Variants in WFDC9 observed in about 807,000 individuals in gnomAD.
The protein encoded by WFDC9 is protein WFDC9.
Under a neutral mutation model 9.5 loss-of-function variants are expected in WFDC9, and 9 were observed. That is an observed-to-expected ratio of 0.95 (90% CI 0.57 to 1.65). WFDC9 has a LOEUF of 1.65. Ranked by LOEUF, WFDC9 falls within the 40% of genes most tolerant of loss-of-function variation. The probability of loss-of-function intolerance (pLI) is 0.00; values close to 1 mark genes in which losing one functional copy is unlikely to be tolerated. For synonymous variants in WFDC9, 33 were observed against 32.3 expected (o/e 1.02, Z -0.07); for missense variants, 87 against 106.7 (o/e 0.82, Z 0.81).
intron 4 of WFDC9, among the ~76,000 whole-genome samples, chr20:45,608,389 T>A (rs1981775424): frequency 6.6e-6 from 1 of 152,052 alleles, no homozygotes; most frequent in African/African-American, 2.4e-5. Flanking sequence ...TAATTGGAAC[T>A]TTGGATAAAG....
At chr20:45,609,377 G>T (rs1981805796) in intron 3 of WFDC9, among the ~76,000 whole-genome samples, 2 of 152,010 alleles carry the variant, frequency 1.3e-5, no homozygotes, top group South Asian at 4.2e-4. Flanking sequence ...CTAATTTTTT[G>T]TATCTTAATA....
At chr20:45,610,541 C>A (rs1981837912) in intron 2 of WFDC9, among the ~76,000 whole-genome samples, 1 of 152,180 alleles carries the variant, frequency 6.6e-6, no homozygotes, top group African/African-American at 2.4e-5. Flanking sequence ...ATTCCACCAT[C>A]TAGAGATAAT....
At chr20:45,610,267 A>G in intron 2 of WFDC9, 28 bp from the exon 3 acceptor site, 2 of 1,196,576 alleles carry the variant, frequency 1.7e-6, no homozygotes, top group Non-Finnish European at 1.2e-6. Context: ...TGGATTGAGG[A>G]GAACAGGGTA....
intron 1 of WFDC9, among the ~76,000 whole-genome samples, chr20:45,624,465 G>C (rs143231913): frequency 8.6e-4 from 130 of 151,072 alleles, no homozygotes; most frequent in African/African-American, 3.0e-3. Flanking sequence ...TCCATTCCTC[G>C]GTTGTTAGAC....
At chr20:45,626,118 G>C (rs549736230) in intron 1 of WFDC9, among the ~76,000 whole-genome samples, 2 of 151,666 alleles carry the variant, frequency 1.3e-5, no homozygotes, top group African/African-American at 4.8e-5. Flanking sequence ...CACTGCACCT[G>C]GCCCTAAGTT....
rs548892324 is a variant in WFDC9 at position 45,628,359 on chromosome 20, T to C, written c.-153+2844A>G. ...GAGCTGGTGGAAAAGAAAAAGAGTG[T>C]GAAAGAGACTTGCCATCTTCTTAGG... On this transcript the variant is annotated intron_variant, in intron 1 of 4. Coordinates refer to ENST00000326000, the MANE Select transcript of WFDC9 (RefSeq NM_147198.4). 6.6e-5 allele frequency among the ~76,000 whole-genome samples: 10 copies of C among 152,282 alleles called. No homozygotes were observed. The East Asian group carries it at 1.7e-3, about 26-fold the overall frequency.
At chr20:45,624,504 T>C (rs1982173801) in intron 1 of WFDC9, among the ~76,000 whole-genome samples, 1 of 152,206 alleles carries the variant, frequency 6.6e-6, no homozygotes, top group Non-Finnish European at 1.5e-5. Context: ...TCTCGGCTAT[T>C]GTGAATAGTG....
intron 1 of WFDC9, among the ~76,000 whole-genome samples, chr20:45,618,424 A>G (rs1393349309): frequency 6.6e-6 from 1 of 152,238 alleles, no homozygotes; most frequent in Middle Eastern, 3.2e-3. Flanking sequence ...GCTGTTTGGT[A>G]CAAGAGGCCT....
intron 1 of WFDC9, among the ~76,000 whole-genome samples, chr20:45,629,009 G>A (rs1982287178): frequency 6.6e-6 from 1 of 152,082 alleles, no homozygotes; most frequent in African/African-American, 2.4e-5. Flanking sequence ...TTGACTGATA[G>A]GTCTCTCCCC....
chr20:45,630,926 T>G lies in WFDC9; in HGVS notation c.-153+277A>C, dbSNP rs200591893. 43 of 1,612,608 alleles carry G rather than the reference T, an allele frequency of 2.7e-5. No individual in the cohort carries two copies. The East Asian group carries it at 9.4e-4, about 35-fold the overall frequency. On this transcript the variant is annotated intron_variant, in intron 1 of 4. Transcript: ENST00000326000. ...CCAGCAGCAGCCTAAACTATATCTATGCAAACACTTATGTGAATCTCACCG... is the reference window on the plus strand; with the variant it reads ...CCAGCAGCAGCCTAAACTATATCTAGGCAAACACTTATGTGAATCTCACCG...
In WFDC9 at chr20:45,628,986, G is replaced by A. The variant is rs544670149; in HGVS notation, c.-153+2217C>T. ...GTCAGTGACCACCTCCTCCTGGACA[G>A]CCTGCCAAGCCTTTGACTGATAGGT... On this transcript the variant is annotated intron_variant, in intron 1 of 4. Coordinates refer to ENST00000326000, the MANE Select transcript of WFDC9 (RefSeq NM_147198.4). Among the ~76,000 whole-genome samples, 86 of 152,228 alleles carry A rather than the reference G, an allele frequency of 5.6e-4. 1 individual carries two copies. The highest frequency in any genetic ancestry group is 3.4e-3 in the Middle Eastern group (1 of 294).
chr20:45,630,830 A>G (rs1982344998), intron 1 of WFDC9: 35 of 1,532,328 alleles, frequency 2.3e-5, no homozygotes, highest in Non-Finnish European at 3.1e-5. Context: ...AATGTTCTCT[A>G]GGAAACTGCG....
At chr20:45,631,150 C>A in intron 1 of WFDC9, 53 bp downstream of exon 1, 1 of 1,038,928 alleles carries the variant, frequency 9.6e-7, no homozygotes, top group Non-Finnish European at 1.3e-6. Context: ...TCTCTACTGT[C>A]TGAACCCCTT....
intron 1 of WFDC9, among the ~76,000 whole-genome samples, chr20:45,622,392 A>G (rs544951815): frequency 6.6e-6 from 1 of 152,274 alleles, no homozygotes; most frequent in East Asian, 1.9e-4. Flanking sequence ...GAGATCTTTA[A>G]TAGTTCTTTC....
At chr20:45,617,862 G>A (rs76858073) in intron 1 of WFDC9, among the ~76,000 whole-genome samples, 1,919 of 152,268 alleles carry the variant, frequency 0.013, 39 homozygotes, top group African/African-American at 0.044. Context: ...TATGCTATAT[G>A]TATTTTGTGT....
At chr20:45,625,807 CTTTTTTT>C (rs76758338) in intron 1 of WFDC9, among the ~76,000 whole-genome samples, 47 of 46,408 alleles carry the variant, frequency 1.0e-3, no homozygotes, top group Non-Finnish European at 1.6e-3. Context: ...GTTCTCTATT[CTTTTTTT>C]TTTTTTTTTT....
chr20:45,609,985 A>T, intron 3 of WFDC9, 106 bp downstream of exon 3: 1 of 838,366 alleles, frequency 1.2e-6, no homozygotes, highest in East Asian at 2.6e-5. Context: ...TCTCTACTTA[A>T]GGAGAGATCC....
intron 1 of WFDC9, among the ~76,000 whole-genome samples, chr20:45,627,257 G>C (rs184933012): frequency 3.3e-5 from 5 of 152,246 alleles, no homozygotes; most frequent in Admixed American, 6.5e-5. Context: ...ATTTTCATCA[G>C]GAATATTGGC....
At chr20:45,623,844 G>T (rs888891092) in intron 1 of WFDC9, among the ~76,000 whole-genome samples, 1 of 152,086 alleles carries the variant, frequency 6.6e-6, no homozygotes, top group Non-Finnish European at 1.5e-5. Flanking sequence ...ATCCTACAGT[G>T]CTATAGAACA....
Sources: gnomAD v4.1 joint callset for allele counts (sites outside exome capture counted in the v4.1 genomes callset) on GRCh38, gnomAD v4.1.1 for gene constraint, MANE v1.5 for transcripts, NCBI Gene and HGNC (gene_info 2026-07-23, HGNC 2026-07-21) for gene names.